SORCS3: variants seen among roughly 807,000 people sequenced by gnomAD.
SORCS3 encodes the protein sortilin related VPS10 domain containing receptor 3.
SORCS3 carries 57 observed loss-of-function variants against 146.3 expected under a neutral mutation model. The ratio of observed to expected loss-of-function variants is 0.39; its 90% CI spans 0.31 to 0.49. The LOEUF (loss-of-function observed/expected upper bound fraction) is 0.49. Among genes scored for constraint, SORCS3 ranks in the 20% least tolerant of loss-of-function variants. The pLI is 0.92. For missense variants in SORCS3, 1,341 were observed against 1,575.5 expected, an observed-to-expected ratio of 0.85 and a Z score of 2.52; for synonymous variants, 653 against 618.5, an observed-to-expected ratio of 1.06 and a Z score of -0.83.
At chr10:104,707,070 G>A (rs2016345521) in intron 1 of SORCS3, among the ~76,000 whole-genome samples, 1 of 152,134 alleles carries the variant, frequency 6.6e-6, no homozygotes, top group African/African-American at 2.4e-5. Context: ...CATAGAGACA[G>A]GGCAGTCAGG....
chr10:104,987,791 A>G (rs1195698348), intron 4 of SORCS3, among the ~76,000 whole-genome samples: 2 of 152,280 alleles, frequency 1.3e-5, no homozygotes, highest in Non-Finnish European at 1.5e-5. Context: ...AGTTTTTCAG[A>G]TGAATTTTCC....
chr10:104,738,013 C>T (rs1033695898), intron 1 of SORCS3, among the ~76,000 whole-genome samples: 1 of 151,810 alleles, frequency 6.6e-6, no homozygotes, highest in Non-Finnish European at 1.5e-5. Flanking sequence ...ATTTTCCCAG[C>T]ACCATTTATT....
chr10:105,003,107 G>T (rs981167093), intron 4 of SORCS3, among the ~76,000 whole-genome samples: 2 of 152,142 alleles, frequency 1.3e-5, no homozygotes, highest in Non-Finnish European at 2.9e-5. Context: ...TTCCATCTTT[G>T]TTATAATTCC....
intron 1 of SORCS3, among the ~76,000 whole-genome samples, chr10:104,812,579 A>T (rs1479183453): frequency 6.6e-6 from 1 of 152,246 alleles, no homozygotes; most frequent in Non-Finnish European, 1.5e-5. Context: ...TATTCCAGTG[A>T]GTCATACATT....
intron 5 of SORCS3, among the ~76,000 whole-genome samples, chr10:105,069,336 C>G (rs970201897): frequency 7.2e-5 from 11 of 152,164 alleles, no homozygotes; most frequent in African/African-American, 2.7e-4. Flanking sequence ...CTCCCTGAAC[C>G]CTCTCTAACA....
At chr10:105,170,641 C>T (rs1253797595) in intron 13 of SORCS3, among the ~76,000 whole-genome samples, 1 of 152,294 alleles carries the variant, frequency 6.6e-6, no homozygotes, top group Non-Finnish European at 1.5e-5. Flanking sequence ...TTTTTGCTTA[C>T]TTGCCTTTCT....
intron 6 of SORCS3, among the ~76,000 whole-genome samples, chr10:105,093,752 A>G (rs1247781203): frequency 6.6e-6 from 1 of 152,178 alleles, no homozygotes; most frequent in Non-Finnish European, 1.5e-5. Flanking sequence ...CTGGCACAGA[A>G]GTAAAGCAAT....
chr10:104,869,451 C>G (rs539462346), intron 2 of SORCS3, among the ~76,000 whole-genome samples: 4 of 152,324 alleles, frequency 2.6e-5, no homozygotes, highest in Non-Finnish European at 4.4e-5. Flanking sequence ...TGAAGAGGGC[C>G]ATGTGCCTGA....
At chr10:105,121,685 C>A (rs2055934495) in intron 7 of SORCS3, among the ~76,000 whole-genome samples, 1 of 152,144 alleles carries the variant, frequency 6.6e-6, no homozygotes, top group African/African-American at 2.4e-5. Flanking sequence ...TGTTTCATAT[C>A]AGAAACTTTC....
intron 1 of SORCS3, among the ~76,000 whole-genome samples, chr10:104,798,229 A>G (rs1319173621): frequency 6.6e-6 from 1 of 152,168 alleles, no homozygotes; most frequent in Non-Finnish European, 1.5e-5. Flanking sequence ...GGGTGGTGGT[A>G]GGATACATGC....
At chr10:105,093,863 G>C (rs1318363687) in intron 6 of SORCS3, among the ~76,000 whole-genome samples, 1 of 152,034 alleles carries the variant, frequency 6.6e-6, no homozygotes, top group East Asian at 1.9e-4. Context: ...TTATAACCCA[G>C]CAATCCCACT....
intron 1 of SORCS3, among the ~76,000 whole-genome samples, chr10:104,798,844 A>C (rs1441526568): frequency 6.6e-6 from 1 of 151,954 alleles, no homozygotes; most frequent in Non-Finnish European, 1.5e-5. Flanking sequence ...AGCTTAAACA[A>C]ATTTACAAGA....
At chr10:104,792,013 T>A (rs1332235038) in intron 1 of SORCS3, among the ~76,000 whole-genome samples, 1 of 152,138 alleles carries the variant, frequency 6.6e-6, no homozygotes, top group East Asian at 1.9e-4. Flanking sequence ...CTCTTTTTTT[T>A]CCCCTAACAA....
chr10:104,931,890 T>C (rs2019212138), intron 3 of SORCS3, among the ~76,000 whole-genome samples: 1 of 152,202 alleles, frequency 6.6e-6, no homozygotes, highest in African/African-American at 2.4e-5. Flanking sequence ...AAAGTGGTCT[T>C]TGGCCTGAAC....
intron 17 of SORCS3, among the ~76,000 whole-genome samples, chr10:105,211,875 C>T (rs946953265): frequency 6.6e-6 from 1 of 152,204 alleles, no homozygotes; most frequent in African/African-American, 2.4e-5. Context: ...AAGACAGCAC[C>T]TCTCAAATGT....
chr10:105,014,074 T>TATATATACAC (rs1554868633), intron 4 of SORCS3, among the ~76,000 whole-genome samples: 1 of 99,760 alleles, frequency 1.0e-5, no homozygotes, highest in South Asian at 3.9e-4. Context: ...TATACATATA[T>TATATATACAC]ATATATATAC....
intron 3 of SORCS3, among the ~76,000 whole-genome samples, chr10:104,950,897 G>T (rs918300038): frequency 1.5e-4 from 23 of 152,290 alleles, no homozygotes; most frequent in African/African-American, 5.5e-4. Context: ...CTAACTAAGA[G>T]GCTGGCCTCT....
chr10:104,982,873 C>G (rs1318271381), intron 4 of SORCS3, among the ~76,000 whole-genome samples: 1 of 152,146 alleles, frequency 6.6e-6, no homozygotes, highest in Non-Finnish European at 1.5e-5. Flanking sequence ...AACTTGTATT[C>G]AGTGAGAGAA....
chr10:104,684,792 T>G lies in SORCS3; in HGVS notation c.627+42838T>G, dbSNP rs992800070. On this transcript the variant is annotated intron_variant, in intron 1 of 26. Coordinates refer to ENST00000369701, the MANE Select transcript of SORCS3 (RefSeq NM_014978.3). ...AAAGTCCTCAGTGTTTTTTTTTTTT[T>G]TTTTTTTTTTTTTTTTTTTTTTTTT... is the stretch of plus-strand genomic sequence containing the variant. Among the ~76,000 whole-genome samples, 7 of 5,194 alleles carry G rather than the reference T, an allele frequency of 1.3e-3. No homozygotes were observed. In the East Asian group the frequency reaches 0.018, roughly 13 times the overall value. 3.4% of individuals were successfully genotyped at this position (5,194 alleles called of 152,430 possible).
Sources: allele counts gnomAD v4.1 joint callset (sites outside exome capture counted in the v4.1 genomes callset), GRCh38; gene constraint gnomAD v4.1.1; transcripts MANE v1.5; gene names NCBI Gene and HGNC (gene_info 2026-07-23, HGNC 2026-07-21).